Variants in CACNG8 observed in about 807,000 individuals in gnomAD.
CACNG8 encodes voltage-dependent calcium channel gamma-8 subunit.
A neutral mutation model predicts 26.9 loss-of-function variants in CACNG8; 5 were observed. The observed-to-expected ratio is 0.19, with a 90% confidence interval of 0.10 to 0.39. The LOEUF is 0.39. Among genes scored for constraint, CACNG8 ranks in the 10% least tolerant of loss-of-function variants. The pLI is 1.00. For synonymous variants in CACNG8, 321 were observed against 296.7 expected (o/e 1.08, Z -0.84); for missense variants, 473 against 609.4 (o/e 0.78, Z 2.36).
chr19:53,967,560 C>T (rs763537167), intron 1 of CACNG8, among the ~76,000 whole-genome samples: 35 of 152,268 alleles, frequency 2.3e-4, no homozygotes, highest in African/African-American at 4.3e-4. Flanking sequence ...TTTCACTGGG[C>T]GCAGTGGCTC....
At position 53,963,069 on chromosome 19, in the gene CACNG8, C is replaced by T. The variant is rs545505148; in HGVS notation, c.-74C>T. 1.6e-4 allele frequency: 159 copies of T among 970,468 alleles called. No homozygotes were observed. Among genetic ancestry groups the T allele is most frequent in the Non-Finnish European group, 2.1e-4 (149 of 720,636 alleles). The allele number at this position is 970,468 out of a possible 1,614,324, so 60.1% of individuals were successfully genotyped here. On this transcript the variant is annotated 5_prime_UTR_variant, in exon 1 of 4. Coordinates refer to ENST00000270458, the MANE Select transcript of CACNG8 (RefSeq NM_031895.6). The stretch of plus-strand genomic sequence containing the variant: ...GCTTCTGCCTGCGCTGTGAACCCCC[C>T]CCCAGCCGCCGGCACGGCCCCGCCC...
chr19:53,982,560 G>GCGGCGC lies in CACNG8; in HGVS notation c.992_997dup (p.Gly331_Ala332dup), dbSNP rs2069377405. On this transcript the variant is annotated inframe_insertion, in exon 4 of 4. Coordinates refer to ENST00000270458, the MANE Select transcript of CACNG8 (RefSeq NM_031895.6). This position sits in a 1 kb window ranked among gnomAD's most constrained non-coding sequence, Gnocchi z 8.4. ...CTGGCGGGGGCCGGCGGCGGCGGCG[G>GCGGCGC]CGGCGCCGTGGGGGCGTTCGGCGGC... 5 of 1,149,042 alleles carry GCGGCGC rather than the reference G, an allele frequency of 4.4e-6. No homozygotes were observed. The highest frequency in any genetic ancestry group is 5.3e-6 in the Non-Finnish European group (5 of 935,798). The allele number at this position is 1,149,042 out of a possible 1,614,324, so 71.2% of individuals were successfully genotyped here. A position where few individuals can be genotyped will look rare whatever the true frequency, so the allele number is the denominator to read the frequency against.
rs1171756646 is a variant in CACNG8 at position 53,978,189 on chromosome 19, G to A, written c.327G>A (p.Glu109=). 2 of 1,613,260 alleles carry A rather than the reference G, an allele frequency of 1.2e-6. No homozygotes were observed. The highest frequency in any genetic ancestry group is 1.7e-5 in the Admixed American group (1 of 59,978). Residue 109 remains glutamate, a synonymous_variant, in exon 2 of 4, where the codon GAG becomes GAA. Coordinates refer to ENST00000270458, the MANE Select transcript of CACNG8 (RefSeq NM_031895.6). Reference sequence around the variant, plus strand: ...GCGTGAAGATCAATCATTTCCCGGAGGACACGGACTACGACCACGACAGCG... The same window carrying A: ...GCGTGAAGATCAATCATTTCCCGGAAGACACGGACTACGACCACGACAGCG...
intron 1 of CACNG8, among the ~76,000 whole-genome samples, chr19:53,977,486 G>A (rs936186589): frequency 7.2e-5 from 11 of 152,096 alleles, no homozygotes; most frequent in Admixed American, 5.2e-4. Flanking sequence ...ATGACCCCTA[G>A]AGGCATACTC....
At chr19:53,969,442 T>G (rs1183036495) in intron 1 of CACNG8, among the ~76,000 whole-genome samples, 1 of 148,278 alleles carries the variant, frequency 6.7e-6, no homozygotes, top group Non-Finnish European at 1.5e-5. Context: ...TTTTTTTTTT[T>G]AGAGATGGGT....
Position 53,980,022 on chromosome 19 carries a change from G to A in CACNG8, c.508+15G>A. The A allele has an allele frequency of 6.3e-7, 1 of 1,599,034 alleles. No homozygotes were observed. Among genetic ancestry groups the A allele is most frequent in the Non-Finnish European group, 8.5e-7 (1 of 1,172,788 alleles). ...CGTGGCAGCAGGTGAGAGGCAGAGG[G>A]AGGGGGCGACCGGGGCGGCCCACCT... is the stretch of plus-strand genomic sequence containing the variant. On this transcript the variant is annotated intron_variant, in intron 3 of 3. Transcript: ENST00000270458.
rs763563666 is a variant in CACNG8, at chr19:53,979,858, C to G, written c.368-9C>G. ...TCTCCCTCCTTTTCCTTTCCTTCCT[C>G]CCCCGCAGGAGTTGTCCGGGCCTCC... On this transcript the variant is annotated splice_polypyrimidine_tract_variant and intron_variant, in intron 2 of 3. Coordinates refer to ENST00000270458, the MANE Select transcript of CACNG8 (RefSeq NM_031895.6). The G allele has an allele frequency of 6.3e-7, 1 of 1,590,702 alleles. No individual in the cohort carries two copies. Among genetic ancestry groups the G allele is most frequent in the Non-Finnish European group, 8.6e-7 (1 of 1,166,166 alleles).
intron 3 of CACNG8, 70 bp downstream of exon 3, chr19:53,980,077 TGTGTGTGTGC>T (rs2145940649): frequency 4.9e-6 from 7 of 1,432,648 alleles, no homozygotes; most frequent in South Asian, 4.3e-5. Context: ...TGTGTGTGTG[TGTGTGTGTGC>T]GCGCGCGCGC....
At chr19:53,974,891 C>T (rs745451274) in intron 1 of CACNG8, among the ~76,000 whole-genome samples, 3 of 150,454 alleles carry the variant, frequency 2.0e-5, no homozygotes, top group African/African-American at 4.9e-5. Context: ...CCGCCCACCT[C>T]GGCCTCTCAA....
chr19:53,967,082 G>A (rs151330185), intron 1 of CACNG8, among the ~76,000 whole-genome samples: 1 of 152,240 alleles, frequency 6.6e-6, no homozygotes, highest in Non-Finnish European at 1.5e-5. Flanking sequence ...GTAGGATGCT[G>A]AGCAACAGCC....
At chr19:53,974,335 C>T (rs1011496473) in intron 1 of CACNG8, among the ~76,000 whole-genome samples, 1 of 152,186 alleles carries the variant, frequency 6.6e-6, no homozygotes, top group African/African-American at 2.4e-5. Context: ...GTACATAGCA[C>T]ATGTTGTTTA....
At chr19:53,978,319 A>C in intron 2 of CACNG8, 90 bp downstream of exon 2, 2 of 933,994 alleles carry the variant, frequency 2.1e-6, no homozygotes, top group Non-Finnish European at 3.4e-6. Context: ...AGGCACTGGG[A>C]CTCCGGCACT....
intron 1 of CACNG8, among the ~76,000 whole-genome samples, chr19:53,965,887 A>G (rs2069269598): frequency 6.6e-6 from 1 of 151,912 alleles, no homozygotes; most frequent in Non-Finnish European, 1.5e-5. Context: ...AGGAAGTAAG[A>G]GATGGAGGAA....
rs1224908462 is a variant in CACNG8, at chr19:53,982,503, G to A, written c.932G>A (p.Arg311His). The A allele has an allele frequency of 1.4e-6, 2 of 1,474,774 alleles. No homozygotes were observed. Among genetic ancestry groups the A allele is most frequent in the East Asian group, 2.9e-5 (1 of 34,912 alleles). 91.4% of individuals were successfully genotyped at this position (1,474,774 alleles called of 1,614,324 possible). A position where few individuals can be genotyped will look rare whatever the true frequency, so the allele number is the denominator to read the frequency against. The stretch of plus-strand genomic sequence containing the variant: ...GACATCTCCATGTACACGCTCAGCC[G>A]CGACCCCTCCAAGGGCAGCGTGGCC... The change falls in exon 4 of 4, where the codon CGC becomes CAC. Residue 311 changes from arginine (R) to histidine (H), a missense_variant. Around this residue, in one of 6 missense-constraint regions of CACNG8, gnomAD observed 212 missense variants for 214.4 expected, o/e 0.99. Transcript: ENST00000270458. The surrounding 1 kb of genome is among the most constrained non-coding windows in gnomAD (Gnocchi z 8.4).
In CACNG8 at chr19:53,982,774, C is replaced by T. The variant is rs894861140; in HGVS notation, c.1203C>T (p.Pro401=). 1.3e-5 allele frequency: 17 copies of T among 1,283,024 alleles called. No individual in the cohort carries two copies. Among genetic ancestry groups the T allele is most frequent in the Admixed American group, 7.2e-5 (2 of 27,790 alleles). The allele number at this position is 1,283,024 out of a possible 1,614,324, so 79.5% of individuals were successfully genotyped here. A position where few individuals can be genotyped will look rare whatever the true frequency, so the allele number is the denominator to read the frequency against. The change falls in exon 4 of 4, where the codon CCC becomes CCT. Residue 401 remains proline (P), a synonymous_variant. Transcript: ENST00000270458. This position sits in a 1 kb window ranked among gnomAD's most constrained non-coding sequence, Gnocchi z 8.4. ...CCGCGCCACCCGCGCCCTCTGCGCC[C>T]GCCCCCGGGACCCTGGCCAAGGAGG... is the stretch of plus-strand genomic sequence containing the variant.
At position 53,982,775 on chromosome 19, in the gene CACNG8, G is replaced by GC; in HGVS notation, c.1209dup (p.Gly404ArgfsTer93). On this transcript the variant is annotated frameshift_variant, in exon 4 of 4. Coordinates refer to ENST00000270458, the MANE Select transcript of CACNG8 (RefSeq NM_031895.6). LOFTEE classifies it high-confidence loss of function. This position sits in a 1 kb window ranked among gnomAD's most constrained non-coding sequence, Gnocchi z 8.4. ...CGCGCCACCCGCGCCCTCTGCGCCC[G>GC]CCCCCGGGACCCTGGCCAAGGAGGC... is the stretch of plus-strand genomic sequence containing the variant. 7.8e-7 allele frequency: 1 copy of GC among 1,281,224 alleles called. No homozygotes were observed. Among genetic ancestry groups the GC allele is most frequent in the South Asian group, 2.1e-5 (1 of 47,260 alleles). The allele number at this position is 1,281,224 out of a possible 1,614,324, so 79.4% of individuals were successfully genotyped here.
At chr19:53,967,609 C>T (rs937369261) in intron 1 of CACNG8, among the ~76,000 whole-genome samples, 9 of 151,576 alleles carry the variant, frequency 5.9e-5, no homozygotes, top group Admixed American at 1.3e-4. Flanking sequence ...CCAAAGCAGG[C>T]GGATCACCTG....
At chr19:53,976,822 G>A (rs1194578506) in intron 1 of CACNG8, among the ~76,000 whole-genome samples, 3 of 152,054 alleles carry the variant, frequency 2.0e-5, no homozygotes, top group South Asian at 2.1e-4. Flanking sequence ...ACAGGCACCC[G>A]CCACCATGCC....
chr19:53,980,445 G>A (rs2069359482), intron 3 of CACNG8, among the ~76,000 whole-genome samples: 1 of 152,192 alleles, frequency 6.6e-6, no homozygotes, highest in South Asian at 2.1e-4. Flanking sequence ...CGCCGATGAG[G>A]AGCCTGCTTT....
Sources: allele counts gnomAD v4.1 joint callset (sites outside exome capture counted in the v4.1 genomes callset), GRCh38; gene constraint gnomAD v4.1.1; regional missense constraint gnomAD v4.1.1; non-coding constraint Gnocchi (gnomAD v3.1); transcripts MANE v1.5; gene names NCBI Gene and HGNC (gene_info 2026-07-23, HGNC 2026-07-21).